PLPPR1: variants seen among roughly 807,000 people sequenced by gnomAD.
The protein encoded by PLPPR1 is phospholipid phosphatase related 1.
In PLPPR1, 10 loss-of-function variants were observed where a neutral mutation model predicts 33.1. The ratio of observed to expected loss-of-function variants is 0.30; its 90% CI spans 0.19 to 0.51. The LOEUF is 0.51. Ranked by LOEUF, PLPPR1 falls within the 20% of genes least tolerant of loss-of-function variation. The pLI, the probability that PLPPR1 is intolerant of heterozygous loss-of-function variation, is 0.97. For missense variants in PLPPR1, 304 were observed against 408.1 expected (o/e 0.74, Z 2.20); for synonymous variants, 151 against 151.0 (o/e 1.00, Z 0.00).
chr9:101,127,688 C>A (rs1831263112), intron 1 of PLPPR1, among the ~76,000 whole-genome samples: 1 of 152,142 alleles, frequency 6.6e-6, no homozygotes, highest in African/African-American at 2.4e-5. Flanking sequence ...TATGCCCTGG[C>A]CTTAGATTAT....
intron 1 of PLPPR1, among the ~76,000 whole-genome samples, chr9:101,156,257 T>C (rs971091752): frequency 6.6e-6 from 1 of 152,024 alleles, no homozygotes; most frequent in Non-Finnish European, 1.5e-5. Flanking sequence ...ATGTTAGAGA[T>C]AGCTGCAGAA....
At chr9:101,312,057 C>G (rs13440426) in intron 5 of PLPPR1, among the ~76,000 whole-genome samples, 2 of 152,102 alleles carry the variant, frequency 1.3e-5, no homozygotes, top group African/African-American at 4.8e-5. Context: ...GGTGTCATAA[C>G]GTGTATCATC....
At chr9:101,251,067 C>T (rs1827704911) in intron 2 of PLPPR1, among the ~76,000 whole-genome samples, 1 of 152,024 alleles carries the variant, frequency 6.6e-6, no homozygotes, top group Admixed American at 6.6e-5. Context: ...AATTCATATT[C>T]AGCTGCCTCC....
At chr9:101,182,793 C>T (rs867551522) in intron 1 of PLPPR1, among the ~76,000 whole-genome samples, 1 of 151,576 alleles carries the variant, frequency 6.6e-6, no homozygotes, top group Non-Finnish European at 1.5e-5. Context: ...AACCTTTACA[C>T]CTTGAAAATA....
intron 3 of PLPPR1, 139 bp downstream of exon 3, chr9:101,270,207 T>C (rs1588104818): frequency 1.2e-6 from 1 of 824,882 alleles, no homozygotes; most frequent in East Asian, 2.7e-5. Context: ...CAAAACAGAG[T>C]GAATGGAGCT....
intron 1 of PLPPR1, among the ~76,000 whole-genome samples, chr9:101,153,483 G>A (rs1831625549): frequency 6.6e-6 from 1 of 152,162 alleles, no homozygotes. Flanking sequence ...TTTTCAAAGG[G>A]AATGCTTCCA....
rs533411813 is a variant in PLPPR1, at chr9:101,267,724, G to A, written c.64-2156G>A. Among the ~76,000 whole-genome samples the A allele has an allele frequency of 2.7e-4, 41 of 151,504 alleles. No homozygotes were observed. The South Asian group carries it at 8.5e-3, about 31-fold the overall frequency. ...GTTAGAAATTTGTACTTGAAGCTGGGTGCAGTGGCTCATGCCTGTATAATC... is the reference window on the plus strand; with the variant it reads ...GTTAGAAATTTGTACTTGAAGCTGGATGCAGTGGCTCATGCCTGTATAATC... On this transcript the variant is annotated intron_variant, in intron 2 of 7. Coordinates refer to ENST00000374874, the MANE Select transcript of PLPPR1 (RefSeq NM_207299.2).
At chr9:101,092,121 C>A (rs943940697) in intron 1 of PLPPR1, among the ~76,000 whole-genome samples, 2 of 152,126 alleles carry the variant, frequency 1.3e-5, no homozygotes, top group African/African-American at 2.4e-5. Context: ...CACCTCTGGG[C>A]CCGTACACCT....
chr9:101,310,284 T>A (rs189874166), intron 5 of PLPPR1, among the ~76,000 whole-genome samples: 1 of 152,354 alleles, frequency 6.6e-6, no homozygotes, highest in East Asian at 1.9e-4. Flanking sequence ...CACGGGCTGA[T>A]ACGATATTGC....
At chr9:101,049,263 G>A (rs1314316646) in intron 1 of PLPPR1, among the ~76,000 whole-genome samples, 1 of 152,062 alleles carries the variant, frequency 6.6e-6, no homozygotes, top group Non-Finnish European at 1.5e-5. Context: ...GAAAAATAAG[G>A]GTATGAATAT....
At chr9:101,096,167 T>A (rs1830814864) in intron 1 of PLPPR1, among the ~76,000 whole-genome samples, 1 of 152,100 alleles carries the variant, frequency 6.6e-6, no homozygotes, top group South Asian at 2.1e-4. Flanking sequence ...TCACAAAAAG[T>A]GATGAGGCAA....
chr9:101,284,429 A>C (rs1828354146), intron 3 of PLPPR1, among the ~76,000 whole-genome samples: 1 of 152,196 alleles, frequency 6.6e-6, no homozygotes, highest in African/African-American at 2.4e-5. Flanking sequence ...AAGAGGAATA[A>C]GTTCAAGAGA....
In PLPPR1 at chr9:101,047,896, C is replaced by G. The variant is rs368575022; in HGVS notation, c.-46+18794C>G. Among the ~76,000 whole-genome samples, 17 of 152,320 alleles carry G rather than the reference C, an allele frequency of 1.1e-4. No homozygotes were observed. The South Asian group carries it at 1.2e-3, about 11-fold the overall frequency. ...TCTCATGTTTTCTTTGCTCAGGCTA[C>G]TGATCACAGCTAAGGTATTGCTAAG... On this transcript the variant is annotated intron_variant, in intron 1 of 7. Coordinates refer to ENST00000374874, the MANE Select transcript of PLPPR1 (RefSeq NM_207299.2).
chr9:101,201,695 C>T (rs945034254), intron 2 of PLPPR1, among the ~76,000 whole-genome samples: 2 of 152,152 alleles, frequency 1.3e-5, no homozygotes, highest in South Asian at 4.1e-4. Context: ...CCAGCTAGAG[C>T]AAATATGAAA....
In PLPPR1 at chr9:101,309,382, T is replaced by C; in HGVS notation, c.557T>C (p.Leu186Pro). 6.2e-7 allele frequency: 1 copy of C among 1,614,122 alleles called. No homozygotes were observed. The highest frequency in any genetic ancestry group is 8.5e-7 in the Non-Finnish European group (1 of 1,180,016). ...AATGGGAACATTTGTACTGGGGACC[T>C]GGAAGTGATAGAAAAGGCTCGGAGA... ...INNGNICTGDLEVIEKARRSF... is the reference protein window; with the variant it reads ...INNGNICTGDPEVIEKARRSF... The change falls in exon 5 of 8, where the codon CTG becomes CCG. Residue 186 changes from leucine (L) to proline (P), a missense_variant. Leu to Pro is a moderately conservative substitution (Grantham distance 98). Coordinates refer to ENST00000374874, the MANE Select transcript of PLPPR1 (RefSeq NM_207299.2).
intron 1 of PLPPR1, among the ~76,000 whole-genome samples, chr9:101,059,931 A>G (rs2118463656): frequency 6.6e-6 from 1 of 152,218 alleles, no homozygotes; most frequent in East Asian, 1.9e-4. Flanking sequence ...TTATCTAAAA[A>G]TAGAACTACA....
intron 1 of PLPPR1, among the ~76,000 whole-genome samples, chr9:101,041,200 A>G (rs1189298083): frequency 2.6e-5 from 4 of 152,144 alleles, no homozygotes; most frequent in East Asian, 1.9e-4. Context: ...CCATGAGTCT[A>G]TTTCACTGTG....
At chr9:101,304,592 T>C (rs925770344) in intron 4 of PLPPR1, among the ~76,000 whole-genome samples, 2 of 152,232 alleles carry the variant, frequency 1.3e-5, no homozygotes, top group Non-Finnish European at 2.9e-5. Context: ...AGGAGATTTT[T>C]CCAACATCCG....
intron 1 of PLPPR1, among the ~76,000 whole-genome samples, chr9:101,124,668 A>G (rs1424243674): frequency 6.6e-6 from 1 of 152,216 alleles, no homozygotes; most frequent in African/African-American, 2.4e-5. Context: ...CAAACCTTCA[A>G]TTCACACCGT....
Sources: allele counts gnomAD v4.1 joint callset (sites outside exome capture counted in the v4.1 genomes callset), GRCh38; gene constraint gnomAD v4.1.1; transcripts MANE v1.5; gene names NCBI Gene and HGNC (gene_info 2026-07-23, HGNC 2026-07-21).